The following ASXL2 variants were observed in gnomAD, a reference collection of about 807,000 sequenced individuals.
ASXL2 encodes the protein ASXL transcriptional regulator 2.
A neutral mutation model predicts 122.0 loss-of-function variants in ASXL2; 23 were observed. The ratio of observed to expected loss-of-function variants is 0.19; its 90% CI spans 0.14 to 0.27. The LOEUF is 0.27. ASXL2 is among the 10% of genes least tolerant of loss of function. The pLI is 1.00. For synonymous variants in ASXL2, 650 were observed against 637.0 expected, an observed-to-expected ratio of 1.02 and a Z score of -0.31; for missense variants, 1,518 against 1,713.8, an observed-to-expected ratio of 0.89 and a Z score of 2.02.
chr2:25,812,358 G>T (rs1252053793), intron 3 of ASXL2, among the ~76,000 whole-genome samples: 1 of 152,008 alleles, frequency 6.6e-6, no homozygotes, highest in Non-Finnish European at 1.5e-5. Flanking sequence ...TACTCGGAAG[G>T]CTGAGGCAGG....
At chr2:25,745,607 G>T (rs2149138333) in intron 12 of ASXL2, among the ~76,000 whole-genome samples, 1 of 142,780 alleles carries the variant, frequency 7.0e-6, no homozygotes, top group Admixed American at 7.0e-5. Flanking sequence ...GTGAGATTCT[G>T]ATGTCTATCA....
intron 3 of ASXL2, among the ~76,000 whole-genome samples, chr2:25,814,354 T>G (rs1021887187): frequency 1.2e-4 from 18 of 152,198 alleles, no homozygotes; most frequent in African/African-American, 4.3e-4. Context: ...TATAATTAAA[T>G]AAAAGTGAAC....
Position 25,744,182 on chromosome 2 carries a change from T to C in ASXL2, c.2155A>G (p.Arg719Gly). 6.2e-7 allele frequency: 1 copy of C among 1,614,062 alleles called. No individual in the cohort carries two copies. Among genetic ancestry groups the C allele is most frequent in the East Asian group, 2.2e-5 (1 of 44,884 alleles). Residue 719 changes from arginine (R) to glycine (G), a missense_variant, in exon 13 of 13, where the codon AGA becomes GGA. Around this residue, in one of 8 missense-constraint regions of ASXL2, gnomAD observed 831 missense variants for 833.1 expected, o/e 1.00. Transcript: ENST00000435504. The surrounding 1 kb of genome is among the most constrained non-coding windows in gnomAD (Gnocchi z 4.7). ...TARGGSPGSD[R>G]VSETGKGPTL... ...GGGCCCTTTCCAGTTTCACTGACTCTGTCTGAGCCTGGACTGCCTCCTCTA... is the reference window on the plus strand; with the variant it reads ...GGGCCCTTTCCAGTTTCACTGACTCCGTCTGAGCCTGGACTGCCTCCTCTA...
intron 3 of ASXL2, among the ~76,000 whole-genome samples, chr2:25,811,793 C>G (rs1364579751): frequency 2.0e-5 from 3 of 152,106 alleles, no homozygotes; most frequent in Non-Finnish European, 4.4e-5. Context: ...ACTCTGTCAG[C>G]AAGGCTGGAG....
Position 25,740,564 on chromosome 2 carries a change from C to T in ASXL2, c.*1465G>A, listed in dbSNP as rs191689186. ...AAACTGCAGGTTTATTTTAATGTTCCTTAACCATGACCTAAATATTATGTA... is the reference window on the plus strand; with the variant it reads ...AAACTGCAGGTTTATTTTAATGTTCTTTAACCATGACCTAAATATTATGTA... On this transcript the variant is annotated 3_prime_UTR_variant, in exon 13 of 13. Transcript: ENST00000435504. The T allele has an allele frequency of 1.3e-5, 3 of 229,710 alleles. No individual in the cohort carries two copies. The East Asian group carries it at 1.9e-4, about 14-fold the overall frequency. 14.2% of individuals were successfully genotyped at this position (229,710 alleles called of 1,614,324 possible). A position where few individuals can be genotyped will look rare whatever the true frequency, so the allele number is the denominator to read the frequency against.
chr2:25,863,432 C>T (rs1303164340), intron 1 of ASXL2, among the ~76,000 whole-genome samples: 1 of 151,946 alleles, frequency 6.6e-6, no homozygotes, highest in Non-Finnish European at 1.5e-5. Flanking sequence ...GTGGCTCACA[C>T]CTGTAATCCC....
rs1483630321 is a variant in ASXL2 at position 25,738,657 on chromosome 2, T to C, written c.*3372A>G. 2 of 151,850 alleles carry C rather than the reference T, an allele frequency of 1.3e-5. No homozygotes were observed. The highest frequency in any genetic ancestry group is 2.9e-5 in the Non-Finnish European group (2 of 68,018). 9.4% of individuals were successfully genotyped at this position (151,850 alleles called of 1,614,324 possible). ...ACTTCACCAGAGAGTTATTTATGGCTCTCTAAGGTGGAGAAAGGCAATAAT... is the reference window on the plus strand; with the variant it reads ...ACTTCACCAGAGAGTTATTTATGGCCCTCTAAGGTGGAGAAAGGCAATAAT... On this transcript the variant is annotated 3_prime_UTR_variant, in exon 13 of 13. Coordinates refer to ENST00000435504, the MANE Select transcript of ASXL2 (RefSeq NM_018263.6).
At chr2:25,764,294 T>C (rs2149150124) in intron 8 of ASXL2, among the ~76,000 whole-genome samples, 1 of 152,318 alleles carries the variant, frequency 6.6e-6, no homozygotes, top group South Asian at 2.1e-4. Context: ...CTTCTTTCTT[T>C]TAAAAAAAGC....
At chr2:25,853,557 C>T (rs9309434) in intron 1 of ASXL2, among the ~76,000 whole-genome samples, 41,865 of 152,010 alleles carry the variant, frequency 0.28, 6,071 homozygotes, top group African/African-American at 0.32. Context: ...ACATTTTCAT[C>T]CTCCCATGGC....
chr2:25,850,661 A>G (rs778726083), intron 1 of ASXL2, among the ~76,000 whole-genome samples: 3 of 152,170 alleles, frequency 2.0e-5, no homozygotes, highest in Non-Finnish European at 4.4e-5. Context: ...TCCACTTATT[A>G]TAAAGTTTCC....
At chr2:25,780,936 T>G (rs1216244754) in intron 5 of ASXL2, among the ~76,000 whole-genome samples, 8 of 151,358 alleles carry the variant, frequency 5.3e-5, no homozygotes, top group African/African-American at 1.9e-4. Flanking sequence ...AAATACAAAA[T>G]AGCCTGAGGT....
intron 5 of ASXL2, among the ~76,000 whole-genome samples, chr2:25,795,489 G>A (rs2088897946): frequency 1.3e-5 from 2 of 152,154 alleles, no homozygotes; most frequent in Admixed American, 6.5e-5. Context: ...CTTAGAGACA[G>A]CCATTAATAA....
intron 3 of ASXL2, among the ~76,000 whole-genome samples, chr2:25,813,929 T>C (rs1472355341): frequency 6.6e-6 from 1 of 152,090 alleles, no homozygotes; most frequent in Admixed American, 6.6e-5. Context: ...GGGCGCCTGT[T>C]GTCCCAGCTA....
intron 5 of ASXL2, among the ~76,000 whole-genome samples, chr2:25,781,746 G>A (rs1452742543): frequency 6.8e-6 from 1 of 147,058 alleles, no homozygotes; most frequent in African/African-American, 2.5e-5. Context: ...CTCGGCTCAC[G>A]CAGCCTCCGC....
intron 3 of ASXL2, among the ~76,000 whole-genome samples, chr2:25,835,048 TC>T (rs2089492774): frequency 6.6e-6 from 1 of 152,136 alleles, no homozygotes; most frequent in African/African-American, 2.4e-5. Flanking sequence ...AGTCTCGAAC[TC>T]CTGACCTCAA....
intron 9 of ASXL2, among the ~76,000 whole-genome samples, chr2:25,758,961 C>G (rs1308849473): frequency 6.8e-6 from 1 of 146,486 alleles, no homozygotes; most frequent in Non-Finnish European, 1.5e-5. Context: ...TTTATGTATT[C>G]TTTTTTTTTT....
chr2:25,779,506 C>G (rs1016681511), intron 5 of ASXL2, among the ~76,000 whole-genome samples: 3 of 152,034 alleles, frequency 2.0e-5, no homozygotes, highest in African/African-American at 4.8e-5. Context: ...AGAAACCATA[C>G]CAATATAATT....
At chr2:25,795,631 GTCCCAA>G in intron 5 of ASXL2, among the ~76,000 whole-genome samples, 1 of 152,168 alleles carries the variant, frequency 6.6e-6, no homozygotes, top group East Asian at 1.9e-4. Context: ...TGATTTCCCT[GTCCCAA>G]TCCCATCCAG....
At chr2:25,764,169 A>C (rs1343416202) in intron 8 of ASXL2, among the ~76,000 whole-genome samples, 1 of 152,254 alleles carries the variant, frequency 6.6e-6, no homozygotes. Context: ...TTCCTGCCAG[A>C]AATGACATTT....
Sources: gnomAD v4.1 joint callset for allele counts (sites outside exome capture counted in the v4.1 genomes callset) on GRCh38, gnomAD v4.1.1 for gene constraint, gnomAD v4.1.1 regional missense constraint, Gnocchi (gnomAD v3.1) non-coding constraint, MANE v1.5 for transcripts, NCBI Gene and HGNC (gene_info 2026-07-23, HGNC 2026-07-21) for gene names.